Variants in UNC80 observed in about 807,000 individuals in gnomAD.
The protein encoded by UNC80 is unc-80 subunit of NALCN channel complex.
Under a neutral mutation model 384.6 loss-of-function variants are expected in UNC80, and 164 were observed. The ratio of observed to expected loss-of-function variants is 0.43; its 90% CI spans 0.38 to 0.49. The LOEUF is 0.49. Ranked by LOEUF, UNC80 falls within the 20% of genes least tolerant of loss-of-function variation. The pLI is 0.00. For missense variants in UNC80, 3,330 were observed against 4,143.0 expected (o/e 0.80, Z 5.39); for synonymous variants, 1,486 against 1,527.8 (o/e 0.97, Z 0.64).
intron 50 of UNC80, 107 bp downstream of exon 50, chr2:209,959,261 T>A: frequency 3.0e-6 from 4 of 1,347,814 alleles, no homozygotes; most frequent in Non-Finnish European, 3.1e-6. Context: ...CATAACATAC[T>A]ATTTCTGGGT....
intron 22 of UNC80, among the ~76,000 whole-genome samples, chr2:209,862,831 C>A (rs1022974682): frequency 2.0e-5 from 3 of 151,854 alleles, no homozygotes; most frequent in African/African-American, 7.3e-5. Flanking sequence ...AGCCCATTTA[C>A]CTTTAAGGTT....
chr2:209,912,577 C>A lies in UNC80; in HGVS notation c.4800C>A (p.Cys1600Ter). Reference sequence around the variant, plus strand: ...CTTTTCAGTGCTCAGATAAGTCATGCCTGAGGACACCTTCTCTAAAGAAGA... The same window carrying A: ...CTTTTCAGTGCTCAGATAAGTCATGACTGAGGACACCTTCTCTAAAGAAGA... Reference protein sequence around the residue: ...KKQKECSDKSCLRTPSLKKRV... With the variant: ...KKQKECSDKS Residue 1600 changes from cysteine to a stop codon, truncating the protein, a stop_gained, in exon 30 of 65, where the codon TGC (cysteine) becomes TGA (stop). Coordinates refer to ENST00000673920, the MANE Select transcript of UNC80 (RefSeq NM_001371986.1). LOFTEE classifies it high-confidence loss of function. 6.4e-7 allele frequency: 1 copy of A among 1,550,960 alleles called. No homozygotes were observed. Among genetic ancestry groups the A allele is most frequent in the Non-Finnish European group, 8.7e-7 (1 of 1,146,500 alleles).
chr2:209,992,109 A>G (rs2093403177), intron 61 of UNC80, 57 bp from the exon 62 acceptor site: 2 of 1,451,944 alleles, frequency 1.4e-6, no homozygotes, highest in Non-Finnish European at 1.9e-6. Context: ...AACACCCACC[A>G]GAGGACAGTC....
chr2:209,984,906 T>C lies in UNC80; in HGVS notation c.9308T>C (p.Leu3103Pro). ...DSQGLAAEGS[L>P]SRVASIQSEP... ...CAGGGCCTGGCCGCCGAGGGCAGCC[T>C]CTCTAGGTACAGTGTCAATGCTACC... The change falls in exon 61 of 65, where the codon CTC (leucine) becomes CCC (proline). Residue 3103 changes from leucine (L) to proline (P), a missense_variant. Around this residue, in one of 8 missense-constraint regions of UNC80, gnomAD observed 216 missense variants for 245.3 expected, o/e 0.88. Coordinates refer to ENST00000673920, the MANE Select transcript of UNC80 (RefSeq NM_001371986.1). 1 of 1,551,078 alleles carries C rather than the reference T, an allele frequency of 6.4e-7. No homozygotes were observed. Among genetic ancestry groups the C allele is most frequent in the Non-Finnish European group, 8.7e-7 (1 of 1,146,730 alleles).
chr2:209,890,282 T>G (rs966306050), intron 26 of UNC80, among the ~76,000 whole-genome samples: 1 of 152,166 alleles, frequency 6.6e-6, no homozygotes, highest in African/African-American at 2.4e-5. Flanking sequence ...ATAAAAAAAG[T>G]AAAGTTTTTT....
At chr2:209,910,183 C>T (rs1189852223) in intron 29 of UNC80, among the ~76,000 whole-genome samples, 1 of 151,232 alleles carries the variant, frequency 6.6e-6, no homozygotes, top group Non-Finnish European at 1.5e-5. Flanking sequence ...TCTTGGGTTG[C>T]TAATCTTGAG....
intron 22 of UNC80, among the ~76,000 whole-genome samples, chr2:209,861,857 T>G (rs1471197869): frequency 6.6e-6 from 1 of 152,228 alleles, no homozygotes; most frequent in African/African-American, 2.4e-5. Flanking sequence ...GTAGTTTGTA[T>G]TTCCGTGGGG....
chr2:209,856,066 A>C (rs538721244), intron 22 of UNC80, among the ~76,000 whole-genome samples: 1 of 152,282 alleles, frequency 6.6e-6, no homozygotes, highest in African/African-American at 2.4e-5. Flanking sequence ...GTAGTTTCAA[A>C]AATTCCAAAT....
At chr2:209,939,714 T>C (rs537883910) in intron 43 of UNC80, 62 bp downstream of exon 43, 1 of 1,392,582 alleles carries the variant, frequency 7.2e-7, no homozygotes, top group African/African-American at 1.5e-5. Context: ...TGTTTTTTTT[T>C]AAAATTTTAT....
intron 7 of UNC80, among the ~76,000 whole-genome samples, chr2:209,798,651 TTATTTTTATTTTTA>T (rs1489683797): frequency 2.6e-5 from 4 of 151,310 alleles, no homozygotes; most frequent in Non-Finnish European, 5.9e-5. Flanking sequence ...CGGCTCTCCT[TTATTTTTATTTTTA>T]TTTTTTTATT....
rs2093005098 is a variant in UNC80 at position 209,976,048 on chromosome 2, C to T, written c.8588-71C>T. 2 of 1,456,756 alleles carry T rather than the reference C, an allele frequency of 1.4e-6. No individual in the cohort carries two copies. Among genetic ancestry groups the T allele is most frequent in the African/African-American group, 1.4e-5 (1 of 69,660 alleles). The allele number at this position is 1,456,756 out of a possible 1,614,324, so 90.2% of individuals were successfully genotyped here. On this transcript the variant is annotated intron_variant, in intron 56 of 64. Coordinates refer to ENST00000673920, the MANE Select transcript of UNC80 (RefSeq NM_001371986.1). This position sits in a 1 kb window ranked among gnomAD's most constrained non-coding sequence, Gnocchi z 4.3. ...AAAATTTCTAAAGGTGCATAAAGGG[C>T]TCTGGATGTAGGTTGGGTTCCTCGG...
intron 7 of UNC80, among the ~76,000 whole-genome samples, chr2:209,810,339 A>G (rs563861576): frequency 1.3e-5 from 2 of 152,334 alleles, no homozygotes; most frequent in African/African-American, 4.8e-5. Flanking sequence ...ATTGGTACTT[A>G]TATTTCATAC....
intron 28 of UNC80, among the ~76,000 whole-genome samples, chr2:209,901,632 A>G (rs2087415975): frequency 6.6e-6 from 1 of 152,082 alleles, no homozygotes; most frequent in African/African-American, 2.4e-5. Flanking sequence ...ATGATTTAAG[A>G]AGTTCATTTT....
rs191481355 is a variant in UNC80, at chr2:209,954,077, G to A, written c.7287-23G>A. 46 of 1,537,578 alleles carry A rather than the reference G, an allele frequency of 3.0e-5. No homozygotes were observed. In the Admixed American group the frequency reaches 4.3e-4, roughly 14 times the overall value. ...AAAAGTAGAATGTAAAAGGTGACTC[G>A]GTTTTCTTTCTGTCGCTTAAAGTCT... On this transcript the variant is annotated intron_variant, in intron 47 of 64. Transcript: ENST00000673920.
At chr2:209,989,752 A>G (rs17818393) in intron 61 of UNC80, among the ~76,000 whole-genome samples, 76,587 of 151,994 alleles carry the variant, frequency 0.5, 19,434 homozygotes, top group Non-Finnish European at 0.52. Flanking sequence ...GAAATATTAC[A>G]TGATGTGGAG....
intron 21 of UNC80, among the ~76,000 whole-genome samples, chr2:209,844,539 C>CCTTA (rs1326498349): frequency 4.9e-5 from 6 of 122,544 alleles, no homozygotes; most frequent in African/African-American, 1.9e-4. Context: ...TTCCTTCCTT[C>CCTTA]CTTCCTTCCT....
chr2:209,813,460 G>GT, intron 7 of UNC80, 120 bp from the exon 8 acceptor site: 1 of 1,091,162 alleles, frequency 9.2e-7, no homozygotes, highest in Non-Finnish European at 1.3e-6. Flanking sequence ...AGTAAACTAC[G>GT]TAAGAAACAA....
chr2:209,962,566 C>G (rs2092627482), intron 51 of UNC80, among the ~76,000 whole-genome samples: 1 of 152,194 alleles, frequency 6.6e-6, no homozygotes, highest in Non-Finnish European at 1.5e-5. Context: ...AGCAATTGAT[C>G]TGAAGCCAGG....
At chr2:209,794,414 C>T (rs987848159) in intron 7 of UNC80, among the ~76,000 whole-genome samples, 5 of 152,148 alleles carry the variant, frequency 3.3e-5, no homozygotes, top group Non-Finnish European at 5.9e-5. Context: ...GACACTCCAC[C>T]TATGGGGCAA....
Sources: gnomAD v4.1 joint callset for allele counts (sites outside exome capture counted in the v4.1 genomes callset) on GRCh38, gnomAD v4.1.1 for gene constraint, gnomAD v4.1.1 regional missense constraint, Gnocchi (gnomAD v3.1) non-coding constraint, MANE v1.5 for transcripts, NCBI Gene and HGNC (gene_info 2026-07-23, HGNC 2026-07-21) for gene names.